NTNG1: variants seen among roughly 807,000 people sequenced by gnomAD.
NTNG1 encodes the protein netrin G1.
A neutral mutation model predicts 54.0 loss-of-function variants in NTNG1; 16 were observed. That is an observed-to-expected ratio of 0.30 (90% CI 0.20 to 0.45). The LOEUF is 0.45. Ranked by LOEUF, NTNG1 falls within the 20% of genes least tolerant of loss-of-function variation. The pLI, the probability that NTNG1 is intolerant of heterozygous loss-of-function variation, is 1.00. For missense variants in NTNG1, 530 were observed against 678.7 expected, an observed-to-expected ratio of 0.78 and a Z score of 2.43; for synonymous variants, 255 against 263.1, an observed-to-expected ratio of 0.97 and a Z score of 0.30.
Position 107,443,920 on chromosome 1 carries a change from G to A in NTNG1, c.1390+7121G>A, listed in dbSNP as rs61799255. On this transcript the variant is annotated intron_variant, in intron 7 of 7. Coordinates refer to ENST00000370068, the MANE Select transcript of NTNG1 (RefSeq NM_001113226.3). The stretch of plus-strand genomic sequence containing the variant: ...ATAGAGAGAGGCACTTGATGTTACT[G>A]TGGTACGACTCCTAAGGGTGGGAAG... Among the ~76,000 whole-genome samples the A allele has an allele frequency of 3.3e-3, 496 of 152,256 alleles. 1 individual carries two copies. The highest frequency in any genetic ancestry group is 8.8e-3 in the Admixed American group (134 of 15,294).
At chr1:107,168,298 A>T (rs1655965160) in intron 2 of NTNG1, among the ~76,000 whole-genome samples, 1 of 152,046 alleles carries the variant, frequency 6.6e-6, no homozygotes, top group Admixed American at 6.6e-5. Context: ...TAGCAACTAG[A>T]TTGTAATAAA....
At chr1:107,369,300 T>G (rs1357504721) in intron 3 of NTNG1, among the ~76,000 whole-genome samples, 1 of 152,158 alleles carries the variant, frequency 6.6e-6, no homozygotes, top group Non-Finnish European at 1.5e-5. Context: ...AAACATAAGT[T>G]TAACTCTTTA....
At chr1:107,171,022 G>A (rs1026711401) in intron 2 of NTNG1, among the ~76,000 whole-genome samples, 14 of 152,174 alleles carry the variant, frequency 9.2e-5, no homozygotes, top group African/African-American at 3.1e-4. Context: ...CTGAAATCTA[G>A]CCTTTAGTAT....
chr1:107,442,418 A>G (rs1676022815), intron 7 of NTNG1, among the ~76,000 whole-genome samples: 1 of 152,120 alleles, frequency 6.6e-6, no homozygotes, highest in Non-Finnish European at 1.5e-5. Context: ...ACCTATAAAA[A>G]AAAGAGAGAC....
intron 6 of NTNG1, 29 bp from the exon 7 acceptor site, chr1:107,436,636 C>G: frequency 6.2e-7 from 1 of 1,607,294 alleles, no homozygotes; most frequent in South Asian, 1.1e-5. Context: ...AGACTTGTCT[C>G]CAGCCTGTGT....
chr1:107,431,661 C>T (rs1675276648), intron 6 of NTNG1, among the ~76,000 whole-genome samples: 1 of 152,072 alleles, frequency 6.6e-6, no homozygotes, highest in Non-Finnish European at 1.5e-5. Context: ...CTACCTTTTA[C>T]ATAGTGAAAC....
chr1:107,268,923 C>T lies in NTNG1; in HGVS notation c.247-55359C>T, dbSNP rs373788055. Among the ~76,000 whole-genome samples, 9 of 152,292 alleles carry T rather than the reference C, an allele frequency of 5.9e-5. No homozygotes were observed. In the South Asian group the frequency reaches 1.9e-3, roughly 32 times the overall value. ...ACAGATATATCTAGGAGCCAACCCT[C>T]CAAGCCATTGTCATCTCCCATGTGG... On this transcript the variant is annotated intron_variant, in intron 2 of 7. Transcript: ENST00000370068.
intron 3 of NTNG1, among the ~76,000 whole-genome samples, chr1:107,363,756 T>G (rs1272228967): frequency 2.0e-5 from 3 of 152,218 alleles, no homozygotes; most frequent in East Asian, 1.9e-4. Flanking sequence ...TGCTTTCATC[T>G]TATCTGAACT....
chr1:107,182,807 C>T (rs1308875859), intron 2 of NTNG1, among the ~76,000 whole-genome samples: 1 of 152,122 alleles, frequency 6.6e-6, no homozygotes, highest in African/African-American at 2.4e-5. Context: ...GAGACAAGGA[C>T]AGAGGAGTCA....
At chr1:107,183,721 G>A (rs1056593338) in intron 2 of NTNG1, among the ~76,000 whole-genome samples, 1 of 152,096 alleles carries the variant, frequency 6.6e-6, no homozygotes, top group Non-Finnish European at 1.5e-5. Flanking sequence ...TCAGAATCCC[G>A]AATGAGCTAA....
chr1:107,463,337 G>C (rs1677394609), intron 7 of NTNG1, among the ~76,000 whole-genome samples: 1 of 151,952 alleles, frequency 6.6e-6, no homozygotes, highest in Non-Finnish European at 1.5e-5. Flanking sequence ...ATTGCTCTTG[G>C]CAATATAGTT....
intron 5 of NTNG1, among the ~76,000 whole-genome samples, chr1:107,427,974 G>A (rs1294803595): frequency 6.6e-6 from 1 of 152,068 alleles, no homozygotes; most frequent in African/African-American, 2.4e-5. Context: ...CATGGAATGG[G>A]TCTTAAACTG....
chr1:107,471,616 A>G (rs1677987345), intron 7 of NTNG1, among the ~76,000 whole-genome samples: 1 of 152,176 alleles, frequency 6.6e-6, no homozygotes, highest in African/African-American at 2.4e-5. Flanking sequence ...CGTCTTTGAG[A>G]AAATGGGCAC....
At chr1:107,453,330 T>C (rs1258811838) in intron 7 of NTNG1, among the ~76,000 whole-genome samples, 3 of 152,154 alleles carry the variant, frequency 2.0e-5, no homozygotes, top group Non-Finnish European at 4.4e-5. Flanking sequence ...GTACAGAAAA[T>C]AATGTTCCTC....
At chr1:107,263,319 TC>T (rs1663491105) in intron 2 of NTNG1, among the ~76,000 whole-genome samples, 1 of 151,330 alleles carries the variant, frequency 6.6e-6, no homozygotes, top group African/African-American at 2.4e-5. Flanking sequence ...CTTCCTTCCT[TC>T]CTTCTTTCCT....
chr1:107,210,322 ACTC>A (rs1416227379), intron 2 of NTNG1, among the ~76,000 whole-genome samples: 3 of 152,120 alleles, frequency 2.0e-5, no homozygotes, highest in Non-Finnish European at 4.4e-5. Flanking sequence ...AATTTAAACA[ACTC>A]CTCTGTTACT....
At chr1:107,236,988 G>A (rs1661452936) in intron 2 of NTNG1, among the ~76,000 whole-genome samples, 1 of 152,198 alleles carries the variant, frequency 6.6e-6, no homozygotes, top group Admixed American at 6.5e-5. Flanking sequence ...CCAAATTGTG[G>A]AAGCAACTTT....
intron 3 of NTNG1, among the ~76,000 whole-genome samples, chr1:107,340,879 C>G (rs1668860279): frequency 6.6e-6 from 1 of 151,928 alleles, no homozygotes; most frequent in African/African-American, 2.4e-5. Flanking sequence ...CAAATGCTAC[C>G]CACATTTGCA....
chr1:107,407,350 T>C (rs1673494169), intron 4 of NTNG1, among the ~76,000 whole-genome samples: 1 of 152,096 alleles, frequency 6.6e-6, no homozygotes, highest in Admixed American at 6.6e-5. Flanking sequence ...CACCTACAAA[T>C]GTTCATTAAC....
Sources: allele counts gnomAD v4.1 joint callset (sites outside exome capture counted in the v4.1 genomes callset), GRCh38; gene constraint gnomAD v4.1.1; transcripts MANE v1.5; gene names NCBI Gene and HGNC (gene_info 2026-07-23, HGNC 2026-07-21).